The following CYP2R1 variants were observed in gnomAD, a reference collection of about 807,000 sequenced individuals.
The protein encoded by CYP2R1 is cytochrome P450 family 2 subfamily R member 1.
In CYP2R1, 40 loss-of-function variants were observed where a neutral mutation model predicts 45.7. That is an observed-to-expected ratio of 0.87 (90% CI 0.68 to 1.14). CYP2R1 has a LOEUF of 1.14. CYP2R1 is among the 50% of genes most tolerant of loss of function. The pLI, the probability that CYP2R1 is intolerant of heterozygous loss-of-function variation, is 0.00. For synonymous variants in CYP2R1, 234 were observed against 219.3 expected (o/e 1.07, Z -0.59); for missense variants, 605 against 602.6 (o/e 1.00, Z -0.04).
Position 14,892,168 on chromosome 11 carries a change from G to T in CYP2R1, c.38C>A (p.Ala13Glu), listed in dbSNP as rs782029885. The T allele has an allele frequency of 2.5e-6, 4 of 1,610,612 alleles. No individual in the cohort carries two copies. Among genetic ancestry groups the T allele is most frequent in the Admixed American group, 1.7e-5 (1 of 59,976 alleles). ...CAGCAGGAAGAGCGCGCCGCCGAGCGCCGCCGCGCCCTCTTCAGCTCTCCA... is the reference window on the plus strand; with the variant it reads ...CAGCAGGAAGAGCGCGCCGCCGAGCTCCGCCGCGCCCTCTTCAGCTCTCCA... ...KLWRAEEGAA[A>E]LGGALFLLLF... The change falls in exon 1 of 5, where the codon GCG becomes GAG. Residue 13 changes from alanine (A) to glutamate (E), a missense_variant. Transcript: ENST00000334636.
At chr11:14,886,338 C>A in intron 1 of CYP2R1, 1 of 174,068 alleles carries the variant, frequency 5.7e-6, no homozygotes, top group Non-Finnish European at 1.2e-5. Context: ...CTAGGAATCT[C>A]CTTCTATTTC....
chr11:14,889,843 CAT>C (rs1213689858), intron 1 of CYP2R1, among the ~76,000 whole-genome samples: 5 of 151,994 alleles, frequency 3.3e-5, no homozygotes, highest in African/African-American at 1.2e-4. Context: ...AAACTAATAA[CAT>C]AGGCCGGGCG....
At chr11:14,889,908 C>T (rs551432401) in intron 1 of CYP2R1, among the ~76,000 whole-genome samples, 4 of 152,100 alleles carry the variant, frequency 2.6e-5, no homozygotes, top group Non-Finnish European at 4.4e-5. Flanking sequence ...GCGGGCAGAT[C>T]ACGAGGTCAG....
rs1590235272 is a variant in CYP2R1, at chr11:14,890,816, G to A, written c.225+1165C>T. 1.4e-5 allele frequency: 14 copies of A among 966,526 alleles called. No homozygotes were observed. The South Asian group carries it at 6.7e-4, about 46-fold the overall frequency. 59.9% of individuals were successfully genotyped at this position (966,526 alleles called of 1,614,324 possible). A position where few individuals can be genotyped will look rare whatever the true frequency, so the allele number is the denominator to read the frequency against. On this transcript the variant is annotated intron_variant, in intron 1 of 4. Transcript: ENST00000334636. ...GCCCGCCTCGGCCTCCTAAAGTGCT[G>A]GGATTATAGGCGTGAGCCACCGCGC...
rs781825948 is a variant in CYP2R1, at chr11:14,879,398, T to G, written c.1046A>C (p.Lys349Thr). 1.9e-6 allele frequency: 3 copies of G among 1,607,646 alleles called. No individual in the cohort carries two copies. The Admixed American group carries it at 5.0e-5, about 27-fold the overall frequency. ...EIDLIMGPNG[K>T]PSWDDKCKMP... ...TTTGCATTTGTCGTCCCAAGAAGGC[T>G]TCCCATTAGGGCCCATAATTAAATC... The change falls in exon 4 of 5, where the codon AAG (lysine) becomes ACG (threonine). Residue 349 changes from lysine to threonine, a missense_variant. By Grantham distance (78) the Lys-to-Thr change is moderately conservative. Transcript: ENST00000334636.
rs782437679 is a variant in CYP2R1 at position 14,880,715 on chromosome 11, C to T, written c.421G>A (p.Val141Ile). The T allele has an allele frequency of 1.8e-5, 29 of 1,600,682 alleles. No individual in the cohort carries two copies. The highest frequency in any genetic ancestry group is 3.5e-5 in the Admixed American group (2 of 56,444). The change falls in exon 3 of 5, where the codon GTA becomes ATA. Residue 141 changes from valine (V) to isoleucine (I), a missense_variant. Val to Ile is a conservative substitution (Grantham distance 29). Transcript: ENST00000334636. ...RGWVDHRRLA[V>I]NSFRYFGYGQ... ...TATCCAAAATATCGAAAACTGTTTA[C>T]AGCTAATCGTCTGTGATCAACCCAT...
Position 14,884,945 on chromosome 11 carries a change from T to C in CYP2R1, c.367+831A>G, listed in dbSNP as rs565336530. The stretch of plus-strand genomic sequence containing the variant: ...TTTTATTTATATTACTGCTTTCAAG[T>C]ATCATTATACTCTGGCCTGAGAATT... On this transcript the variant is annotated intron_variant, in intron 2 of 4. Coordinates refer to ENST00000334636, the MANE Select transcript of CYP2R1 (RefSeq NM_024514.5). Among the ~76,000 whole-genome samples the C allele has an allele frequency of 3.9e-5, 6 of 152,282 alleles. No individual in the cohort carries two copies. The South Asian group carries it at 1.2e-3, about 32-fold the overall frequency.
At chr11:14,890,269 C>T (rs1555016175) in intron 1 of CYP2R1, among the ~76,000 whole-genome samples, 1 of 151,012 alleles carries the variant, frequency 6.6e-6, no homozygotes, top group African/African-American at 2.4e-5. Context: ...GGCAGAAGAC[C>T]TGACCTCTAG....
chr11:14,891,675 G>T, intron 1 of CYP2R1: 1 of 1,167,778 alleles, frequency 8.6e-7, no homozygotes, highest in Non-Finnish European at 1.1e-6. Context: ...CGCGGCTGGC[G>T]AGCCAAACGG....
chr11:14,879,575 T>A (rs1056916289), intron 3 of CYP2R1, 132 bp from the exon 4 acceptor site: 1 of 657,690 alleles, frequency 1.5e-6, no homozygotes, highest in Non-Finnish European at 2.6e-6. Context: ...ATTCAGATTT[T>A]TTATTATCTG....
intron 2 of CYP2R1, among the ~76,000 whole-genome samples, chr11:14,881,700 C>T (rs938010634): frequency 6.6e-6 from 1 of 152,098 alleles, no homozygotes; most frequent in South Asian, 2.1e-4. Context: ...CCTCTCCCTA[C>T]TTGCTCTGTT....
Position 14,892,212 on chromosome 11 carries a change from G to C in CYP2R1, c.-7C>G, listed in dbSNP as rs781921158. On this transcript the variant is annotated 5_prime_UTR_variant, in exon 1 of 5. Transcript: ENST00000334636. ...CTCTCCAAAGCTTCCACATCGGCCC[G>C]AGCTGGAGGTGCGAACTCCACAGCA... 6.2e-7 allele frequency: 1 copy of C among 1,608,430 alleles called. No individual in the cohort carries two copies. The highest frequency in any genetic ancestry group is 1.3e-5 in the African/African-American group (1 of 74,836).
chr11:14,878,415 A>G (rs1261162169), intron 4 of CYP2R1, 118 bp from the exon 5 acceptor site: 12 of 976,228 alleles, frequency 1.2e-5, no homozygotes, highest in Middle Eastern at 6.2e-4. Flanking sequence ...AGAGGGAACT[A>G]TGTTTATTAA....
At chr11:14,888,300 A>G (rs1848695558) in intron 1 of CYP2R1, among the ~76,000 whole-genome samples, 1 of 152,228 alleles carries the variant, frequency 6.6e-6, no homozygotes, top group Non-Finnish European at 1.5e-5. Context: ...TATCTCTAGC[A>G]CCTAGGACAG....
intron 1 of CYP2R1, chr11:14,891,523 G>A (rs1260888759): frequency 2.0e-6 from 2 of 994,942 alleles, no homozygotes; most frequent in Non-Finnish European, 2.4e-6. Flanking sequence ...TGCAGACACC[G>A]AAGAACCTGC....
chr11:14,880,300 GCAT>G lies in CYP2R1; in HGVS notation c.833_835del (p.Asp278del), dbSNP rs782003398. 2 of 1,613,228 alleles carry G rather than the reference GCAT, an allele frequency of 1.2e-6. No individual in the cohort carries two copies. Among genetic ancestry groups the G allele is most frequent in the Non-Finnish European group, 1.7e-6 (2 of 1,179,506 alleles). On this transcript the variant is annotated inframe_deletion, in exon 3 of 5. Coordinates refer to ENST00000334636, the MANE Select transcript of CYP2R1 (RefSeq NM_024514.5). ...ACCTTGATCCATCTCATCTAAATAA[GCAT>G]CAACAAAATGCTGAGGTAGCTGAGG...
At position 14,889,458 on chromosome 11, in the gene CYP2R1, A is replaced by G. The variant is rs139094171; in HGVS notation, c.225+2523T>C. Among the ~76,000 whole-genome samples, 484 of 152,350 alleles carry G rather than the reference A, an allele frequency of 3.2e-3. 12 individuals carry two copies. The highest frequency in any genetic ancestry group is 0.028 in the Admixed American group (423 of 15,308). ...GAGTTAATATGTTTGGTGGTTATCA[A>G]CTAGATCTAAGGCATAGTGAGGCAA... is the stretch of plus-strand genomic sequence containing the variant. On this transcript the variant is annotated intron_variant, in intron 1 of 4. Coordinates refer to ENST00000334636, the MANE Select transcript of CYP2R1 (RefSeq NM_024514.5).
intron 2 of CYP2R1, among the ~76,000 whole-genome samples, chr11:14,884,984 T>C (rs1181882855): frequency 1.3e-5 from 2 of 152,146 alleles, no homozygotes; most frequent in African/African-American, 4.8e-5. Context: ...TCTTTTACAA[T>C]TTGTGCTTTC....
At position 14,892,206 on chromosome 11, in the gene CYP2R1, C is replaced by T. The variant is rs782374723; in HGVS notation, c.-1G>A. 4 of 1,609,338 alleles carry T rather than the reference C, an allele frequency of 2.5e-6. No homozygotes were observed. Among genetic ancestry groups the T allele is most frequent in the Admixed American group, 1.7e-5 (1 of 59,920 alleles). ...CTTCAGCTCTCCAAAGCTTCCACAT[C>T]GGCCCGAGCTGGAGGTGCGAACTCC... On this transcript the variant is annotated 5_prime_UTR_variant, in exon 1 of 5. Coordinates refer to ENST00000334636, the MANE Select transcript of CYP2R1 (RefSeq NM_024514.5).
Sources: allele counts gnomAD v4.1 joint callset (sites outside exome capture counted in the v4.1 genomes callset), GRCh38; gene constraint gnomAD v4.1.1; transcripts MANE v1.5; gene names NCBI Gene and HGNC (gene_info 2026-07-23, HGNC 2026-07-21).